COL4A2: variants seen among roughly 807,000 people sequenced by gnomAD.
COL4A2 encodes collagen type IV alpha 2 chain, also known as collagen alpha-2(IV) chain.
A neutral mutation model predicts 200.2 loss-of-function variants in COL4A2; 99 were observed. The ratio of observed to expected loss-of-function variants is 0.49; its 90% CI spans 0.42 to 0.58. The LOEUF (loss-of-function observed/expected upper bound fraction) is 0.58, where lower values mean the gene tolerates loss of function less well. COL4A2 is among the 20% of genes least tolerant of loss of function. The pLI is 0.00. For missense variants in COL4A2, 1,950 were observed against 2,314.1 expected, an observed-to-expected ratio of 0.84 and a Z score of 3.23; for synonymous variants, 897 against 900.6, an observed-to-expected ratio of 1.00 and a Z score of 0.07.
At chr13:110,509,383 T>TA (rs1450423578) in intron 47 of COL4A2, among the ~76,000 whole-genome samples, 1 of 151,510 alleles carries the variant, frequency 6.6e-6, no homozygotes, top group Non-Finnish European at 1.5e-5. Flanking sequence ...AAGGAAAAGA[T>TA]AAACAAGTAT....
intron 3 of COL4A2, among the ~76,000 whole-genome samples, chr13:110,317,335 C>A (rs895529269): frequency 1.3e-5 from 2 of 150,608 alleles, no homozygotes; most frequent in Non-Finnish European, 3.0e-5. Flanking sequence ...CACACACTTG[C>A]ACCCACACAC....
intron 45 of COL4A2, 127 bp downstream of exon 45, chr13:110,504,391 C>T: frequency 5.5e-6 from 4 of 726,768 alleles, no homozygotes; most frequent in South Asian, 3.3e-5. Flanking sequence ...GCCCCACCCT[C>T]CTGCTCCTAA....
chr13:110,329,863 C>G (rs1875819870), intron 3 of COL4A2, among the ~76,000 whole-genome samples: 1 of 152,154 alleles, frequency 6.6e-6, no homozygotes, highest in South Asian at 2.1e-4. Flanking sequence ...AGTGATGGCT[C>G]AGCACACCCA....
At chr13:110,466,205 C>A in intron 26 of COL4A2, 143 bp downstream of exon 26, 1 of 882,274 alleles carries the variant, frequency 1.1e-6, no homozygotes, top group South Asian at 2.0e-5. Flanking sequence ...AACATAGTGG[C>A]CTGGTGAGCA....
rs140180508 is a variant in COL4A2 at position 110,443,818 on chromosome 13, G to A, written c.958-2011G>A. Among the ~76,000 whole-genome samples, 24 of 152,254 alleles carry A rather than the reference G, an allele frequency of 1.6e-4. No individual in the cohort carries two copies. The East Asian group carries it at 4.6e-3, about 29-fold the overall frequency. ...TGGTTGCCAGCCTGACTCTGGGAGC[G>A]CCTGGGTGATTCCTCCTTGGCCATC... On this transcript the variant is annotated intron_variant, in intron 16 of 47. Coordinates refer to ENST00000360467, the MANE Select transcript of COL4A2 (RefSeq NM_001846.4).
intron 4 of COL4A2, among the ~76,000 whole-genome samples, chr13:110,359,044 T>C (rs9521714): frequency 0.54 from 82,345 of 152,062 alleles, 23,932 homozygotes; most frequent in East Asian, 0.67. Flanking sequence ...TAGTTGCATT[T>C]ATACTGCAAT....
intron 4 of COL4A2, among the ~76,000 whole-genome samples, chr13:110,385,007 G>C (rs1056283335): frequency 2.0e-5 from 3 of 152,250 alleles, no homozygotes; most frequent in African/African-American, 7.2e-5. Flanking sequence ...GCTCACGCCT[G>C]TAATCCTAGC....
intron 38 of COL4A2, 96 bp downstream of exon 38, chr13:110,492,273 T>C (rs1479938403): frequency 9.4e-7 from 1 of 1,067,456 alleles, no homozygotes; most frequent in Non-Finnish European, 1.4e-6. Flanking sequence ...GGGCGACTTC[T>C]AAGGCCCATA....
Position 110,449,686 on chromosome 13 carries a change from A to G in COL4A2, c.1086A>G (p.Arg362=). ...SPHPSLAKGA[R]GDPGFPGAQG... is the part of the protein sequence containing the mutation. ...GACTTGTTTCCCTTCCAGGTGCCAG[A>G]GGTGACCCGGGATTCCCAGGGGCCC... The change falls in exon 19 of 48, where the codon AGA becomes AGG. Residue 362 remains arginine (R), a synonymous_variant. Coordinates refer to ENST00000360467, the MANE Select transcript of COL4A2 (RefSeq NM_001846.4). The G allele has an allele frequency of 6.5e-7, 1 of 1,547,912 alleles. No individual in the cohort carries two copies. The highest frequency in any genetic ancestry group is 1.4e-5 in the African/African-American group (1 of 72,948).
At chr13:110,454,567 AC>A (rs1199635585) in intron 20 of COL4A2, among the ~76,000 whole-genome samples, 3 of 152,096 alleles carry the variant, frequency 2.0e-5, no homozygotes, top group Non-Finnish European at 4.4e-5. Context: ...CACGCAGCTG[AC>A]CTGGTCACCG....
chr13:110,340,513 G>C (rs1204765438), intron 3 of COL4A2, among the ~76,000 whole-genome samples: 1 of 152,188 alleles, frequency 6.6e-6, no homozygotes. Flanking sequence ...GAGAAGACTT[G>C]AGAAGAGTGG....
At chr13:110,415,888 A>G (rs1880024594) in intron 4 of COL4A2, among the ~76,000 whole-genome samples, 1 of 152,248 alleles carries the variant, frequency 6.6e-6, no homozygotes, top group Admixed American at 6.5e-5. Context: ...ACATGGCACA[A>G]TGGGAACACA....
rs1038724467 is a variant in COL4A2 at position 110,501,565 on chromosome 13, G to A, written c.3761-103G>A. The A allele has an allele frequency of 1.2e-5, 12 of 1,042,408 alleles. 1 individual carries two copies. The highest frequency in any genetic ancestry group is 4.7e-5 in the African/African-American group (3 of 63,636). The allele number at this position is 1,042,408 out of a possible 1,614,324, so 64.6% of individuals were successfully genotyped here. ...GGCACCTCCCATCACTGTCTCGCTC[G>A]CTAGGCTCTGGTCCACCACAGGTGA... is the stretch of plus-strand genomic sequence containing the variant. On this transcript the variant is annotated intron_variant, in intron 40 of 47. Coordinates refer to ENST00000360467, the MANE Select transcript of COL4A2 (RefSeq NM_001846.4).
At position 110,498,721 on chromosome 13, in the gene COL4A2, C is replaced by A. The variant is rs193069307; in HGVS notation, c.3761-2947C>A. Among the ~76,000 whole-genome samples the A allele has an allele frequency of 8.5e-5, 13 of 152,330 alleles. No individual in the cohort carries two copies. In the East Asian group the frequency reaches 2.3e-3, roughly 27 times the overall value. Reference sequence around the variant, plus strand: ...TATTGTGAAATTGTAGGATAATTTTCTGACATCAGTGGAGAGTTACGTGTA... The same window carrying A: ...TATTGTGAAATTGTAGGATAATTTTATGACATCAGTGGAGAGTTACGTGTA... On this transcript the variant is annotated intron_variant, in intron 40 of 47. Transcript: ENST00000360467.
intron 3 of COL4A2, among the ~76,000 whole-genome samples, chr13:110,322,132 G>T (rs1885291851): frequency 6.6e-6 from 1 of 152,160 alleles, no homozygotes; most frequent in African/African-American, 2.4e-5. Context: ...TTAATGTCAG[G>T]TATTGCAAAT....
Position 110,314,971 on chromosome 13 carries a change from T to C in COL4A2, c.99+6848T>C, listed in dbSNP as rs898148899. On this transcript the variant is annotated intron_variant, in intron 3 of 47. Coordinates refer to ENST00000360467, the MANE Select transcript of COL4A2 (RefSeq NM_001846.4). ...CCAGCCTCTCAGTGGCCTCAGCTTC[T>C]GTGTTAGTTAGGGGCCAAGGGAAAG... Among the ~76,000 whole-genome samples, 4 of 152,152 alleles carry C rather than the reference T, an allele frequency of 2.6e-5. No homozygotes were observed. In the South Asian group the frequency reaches 8.3e-4, roughly 32 times the overall value.
chr13:110,453,236 C>T (rs565333181), intron 20 of COL4A2, among the ~76,000 whole-genome samples: 42 of 152,206 alleles, frequency 2.8e-4, no homozygotes, highest in African/African-American at 1.0e-3. Context: ...CATGGTGGCT[C>T]ACACCTGTAA....
At chr13:110,379,721 C>A (rs1017883639) in intron 4 of COL4A2, among the ~76,000 whole-genome samples, 1 of 152,152 alleles carries the variant, frequency 6.6e-6, no homozygotes, top group Non-Finnish European at 1.5e-5. Context: ...CTTGGCACCA[C>A]CGTGTTTTAT....
chr13:110,318,755 G>A (rs1490704097), intron 3 of COL4A2, among the ~76,000 whole-genome samples: 5 of 152,228 alleles, frequency 3.3e-5, no homozygotes, highest in South Asian at 2.1e-4. Flanking sequence ...TTAGCATTGC[G>A]GTGCTTGATC....
Sources: gnomAD v4.1 joint callset for allele counts (sites outside exome capture counted in the v4.1 genomes callset) on GRCh38, gnomAD v4.1.1 for gene constraint, MANE v1.5 for transcripts, NCBI Gene and HGNC (gene_info 2026-07-23, HGNC 2026-07-21) for gene names.